The following IDO1 variants were observed in gnomAD, a reference collection of about 807,000 sequenced individuals.
The protein encoded by IDO1 is indoleamine 2,3-dioxygenase 1.
Under a neutral mutation model 38.8 loss-of-function variants are expected in IDO1, and 35 were observed. The observed-to-expected ratio is 0.90, with a 90% CI of 0.69 to 1.20. The LOEUF (loss-of-function observed/expected upper bound fraction) is 1.20, where lower values mean the gene tolerates loss of function less well. Among genes scored for constraint, IDO1 ranks in the 50% most tolerant of loss-of-function variants. IDO1 has a pLI of 0.00. For synonymous variants in IDO1, 171 were observed against 170.0 expected, an observed-to-expected ratio of 1.01 and a Z score of -0.05; for missense variants, 509 against 485.1, an observed-to-expected ratio of 1.05 and a Z score of -0.46.
At chr8:39,918,746 CAAAAA>C in intron 3 of IDO1, 64 bp from the exon 4 acceptor site, 76 of 291,156 alleles carry the variant, frequency 2.6e-4, no homozygotes, top group Middle Eastern at 8.0e-4. Context: ...GACTCCATCT[CAAAAA>C]AAAAAAAAAA....
chr8:39,919,534 C>G (rs1807237002), intron 4 of IDO1, among the ~76,000 whole-genome samples: 1 of 152,050 alleles, frequency 6.6e-6, no homozygotes, highest in Non-Finnish European at 1.5e-5. Flanking sequence ...CCCATTTAGG[C>G]ATAAGATCTG....
At chr8:39,917,603 G>T (rs1807193281) in intron 1 of IDO1, among the ~76,000 whole-genome samples, 1 of 152,258 alleles carries the variant, frequency 6.6e-6, no homozygotes, top group Non-Finnish European at 1.5e-5. Context: ...TTCAAATAGA[G>T]TAGTCAGGAG....
chr8:39,927,958 C>G lies in IDO1; in HGVS notation c.985C>G (p.Arg329Gly). ...FVLSKGDAGL[R>G]EAYDACVKAL... is the part of the protein sequence containing the mutation. ...CCTTTCAAAAGGTGATGCTGGCCTG[C>G]GGGAAGCTTATGACGCCTGTGTGAA... The change falls in exon 10 of 10, where the codon CGG (arginine) becomes GGG (glycine). Residue 329 changes from arginine (R) to glycine (G), a missense_variant. Transcript: ENST00000518237. The G allele has an allele frequency of 6.2e-7, 1 of 1,604,632 alleles. No homozygotes were observed. Among genetic ancestry groups the G allele is most frequent in the Non-Finnish European group, 8.5e-7 (1 of 1,175,396 alleles).
chr8:39,918,770 CAA>C, intron 3 of IDO1, 43 bp from the exon 4 acceptor site: 1 of 288,008 alleles, frequency 3.5e-6, no homozygotes, highest in Admixed American at 5.6e-5. Flanking sequence ...AAAAAAAAAA[CAA>C]CAACAACAAC....
chr8:39,927,796 A>G (rs770407769), intron 9 of IDO1, 34 bp from the exon 10 acceptor site: 2 of 1,367,570 alleles, frequency 1.5e-6, no homozygotes, highest in East Asian at 4.9e-5. Flanking sequence ...GAATGCTGTG[A>G]CCTCCGTATT....
chr8:39,917,849 A>T, intron 1 of IDO1, 26 bp from the exon 2 acceptor site: 1 of 1,481,716 alleles, frequency 6.7e-7, no homozygotes. Flanking sequence ...GCTACTACTA[A>T]ATAAAGATCT....
At position 39,925,361 on chromosome 8, in the gene IDO1, T is replaced by G. The variant is rs764272112; in HGVS notation, c.846T>G (p.Thr282=). Reference sequence around the variant, plus strand: ...ACGTCCTGCTGGGCATCCAGCAGACTGCTGGTGGAGGTGAGTGGAAAATAA... The same window carrying G: ...ACGTCCTGCTGGGCATCCAGCAGACGGCTGGTGGAGGTGAGTGGAAAATAA... The part of the protein sequence containing the change: ...CFDVLLGIQQ[T]AGGGHAAQFL... Residue 282 remains threonine, a synonymous_variant, in exon 9 of 10, where the codon ACT becomes ACG. Transcript: ENST00000518237. The G allele has an allele frequency of 6.2e-7, 1 of 1,612,540 alleles. No individual in the cohort carries two copies. Among genetic ancestry groups the G allele is most frequent in the East Asian group, 2.2e-5 (1 of 44,864 alleles).
intron 6 of IDO1, chr8:39,923,033 T>C (rs1405933363): frequency 1.4e-5 from 3 of 211,670 alleles, no homozygotes; most frequent in Middle Eastern, 2.0e-3. Flanking sequence ...CTTCTATAAA[T>C]GTAAGGAAAT....
chr8:39,927,012 G>C (rs1017171384), intron 9 of IDO1, among the ~76,000 whole-genome samples: 1 of 152,148 alleles, frequency 6.6e-6, no homozygotes, highest in African/African-American at 2.4e-5. Flanking sequence ...CTGCATCCAT[G>C]TTGCTGTGAA....
chr8:39,919,280 CACAG>C (rs1311680539), intron 4 of IDO1, among the ~76,000 whole-genome samples: 2 of 152,262 alleles, frequency 1.3e-5, no homozygotes, highest in South Asian at 2.1e-4. Context: ...CCTTTCCTGC[CACAG>C]ACAAATATAT....
At chr8:39,914,543 C>T (rs1807143826) in intron 1 of IDO1, among the ~76,000 whole-genome samples, 1 of 152,080 alleles carries the variant, frequency 6.6e-6, no homozygotes. Context: ...GTCTGAACTA[C>T]CTTTTTTCTT....
chr8:39,924,088 A>G (rs1726580595), intron 7 of IDO1, among the ~76,000 whole-genome samples: 1 of 152,202 alleles, frequency 6.6e-6, no homozygotes, highest in African/African-American at 2.4e-5. Flanking sequence ...GTGCATAAGC[A>G]GTAATTTGCA....
At chr8:39,918,746 CAA>C (rs1214540367) in intron 3 of IDO1, 67 bp from the exon 4 acceptor site, 3,312 of 289,010 alleles carry the variant, frequency 0.011, no homozygotes, top group East Asian at 0.016. Context: ...GACTCCATCT[CAA>C]AAAAAAAAAA....
intron 9 of IDO1, among the ~76,000 whole-genome samples, chr8:39,925,930 G>A (rs2129592458): frequency 6.6e-6 from 1 of 152,210 alleles, no homozygotes; most frequent in Non-Finnish European, 1.5e-5. Context: ...GCTCACGCCT[G>A]TAATCCTAGC....
intron 5 of IDO1, among the ~76,000 whole-genome samples, chr8:39,921,503 T>C (rs1025325246): frequency 5.3e-5 from 8 of 152,094 alleles, no homozygotes; most frequent in African/African-American, 1.4e-4. Context: ...TTATTAGCTA[T>C]GATAAGGAGT....
At chr8:39,914,262 T>A in intron 1 of IDO1, 1 of 334,212 alleles carries the variant, frequency 3.0e-6, no homozygotes, top group Non-Finnish European at 5.6e-6. Context: ...AAGGAAACTA[T>A]AGAAAGTGTA....
intron 1 of IDO1, among the ~76,000 whole-genome samples, chr8:39,916,583 C>A (rs1807178434): frequency 1.3e-5 from 2 of 152,308 alleles, no homozygotes; most frequent in Admixed American, 1.3e-4. Context: ...TATTTCTTCA[C>A]TGAAGATCTT....
intron 5 of IDO1, among the ~76,000 whole-genome samples, chr8:39,922,328 A>T (rs1004968029): frequency 6.6e-6 from 1 of 152,106 alleles, no homozygotes. Context: ...TTCTAATATG[A>T]AACTTTAGGT....
intron 3 of IDO1, among the ~76,000 whole-genome samples, 176 bp from the exon 4 acceptor site, chr8:39,918,639 G>C (rs550585379): frequency 6.6e-6 from 1 of 150,960 alleles, no homozygotes; most frequent in Non-Finnish European, 1.5e-5. Flanking sequence ...CCAGCTACTC[G>C]GGAGGCTGAG....
Sources: gnomAD v4.1 joint callset for allele counts (sites outside exome capture counted in the v4.1 genomes callset) on GRCh38, gnomAD v4.1.1 for gene constraint, MANE v1.5 for transcripts, NCBI Gene and HGNC (gene_info 2026-07-23, HGNC 2026-07-21) for gene names.